Variants in GABRB1 observed in about 807,000 individuals in gnomAD.
GABRB1 encodes gamma-aminobutyric acid receptor subunit beta-1.
GABRB1 carries 17 observed loss-of-function variants against 51.6 expected under a neutral mutation model. That is an observed-to-expected ratio of 0.33 (90% CI 0.23 to 0.49). The LOEUF (loss-of-function observed/expected upper bound fraction) is 0.49, where lower values mean the gene tolerates loss of function less well. Among genes scored for constraint, GABRB1 ranks in the 20% least tolerant of loss-of-function variants. The probability of loss-of-function intolerance (pLI) is 0.99; values close to 1 mark genes in which losing one functional copy is unlikely to be tolerated. For synonymous variants in GABRB1, 247 were observed against 218.9 expected, an observed-to-expected ratio of 1.13 and a Z score of -1.14; for missense variants, 410 against 600.6, an observed-to-expected ratio of 0.68 and a Z score of 3.32.
chr4:47,251,233 A>G (rs1441634434), intron 4 of GABRB1, among the ~76,000 whole-genome samples: 2 of 152,128 alleles, frequency 1.3e-5, no homozygotes, highest in African/African-American at 4.8e-5. Context: ...GTCTAGCCAC[A>G]CAGCAAGTCT....
At chr4:47,290,593 A>T (rs1009008882) in intron 4 of GABRB1, among the ~76,000 whole-genome samples, 2 of 152,172 alleles carry the variant, frequency 1.3e-5, no homozygotes, top group Non-Finnish European at 2.9e-5. Context: ...AATTTCCTAG[A>T]GACTTGTTGA....
intron 3 of GABRB1, among the ~76,000 whole-genome samples, chr4:47,080,001 A>T (rs1001499431): frequency 3.3e-5 from 5 of 152,172 alleles, no homozygotes; most frequent in Admixed American, 1.3e-4. Context: ...AGAATAATAA[A>T]AAAAAAGAAA....
intron 4 of GABRB1, among the ~76,000 whole-genome samples, chr4:47,193,324 A>G (rs550254216): frequency 3.9e-5 from 6 of 152,216 alleles, no homozygotes; most frequent in African/African-American, 1.4e-4. Context: ...ATTTCTCCAC[A>G]TTGGTCAGGC....
At chr4:47,239,579 T>C (rs549968693) in intron 4 of GABRB1, among the ~76,000 whole-genome samples, 1 of 152,310 alleles carries the variant, frequency 6.6e-6, no homozygotes, top group Admixed American at 6.5e-5. Flanking sequence ...AAATGGCAAG[T>C]TTGCAACTGC....
At chr4:47,121,462 A>C (rs768971439) in intron 3 of GABRB1, among the ~76,000 whole-genome samples, 1 of 152,188 alleles carries the variant, frequency 6.6e-6, no homozygotes, top group Non-Finnish European at 1.5e-5. Flanking sequence ...GGTTTTTAGA[A>C]GGTGCTTTTT....
chr4:47,100,822 A>T (rs937070767), intron 3 of GABRB1, among the ~76,000 whole-genome samples: 2 of 152,042 alleles, frequency 1.3e-5, no homozygotes, highest in African/African-American at 4.8e-5. Flanking sequence ...GAACCATACA[A>T]GAGTTTATGT....
At chr4:47,116,233 T>C (rs764670090) in intron 3 of GABRB1, among the ~76,000 whole-genome samples, 11 of 152,204 alleles carry the variant, frequency 7.2e-5, no homozygotes, top group Non-Finnish European at 1.0e-4. Flanking sequence ...TGTTTTTTTT[T>C]CCTAGGAATT....
intron 4 of GABRB1, among the ~76,000 whole-genome samples, chr4:47,181,146 T>C (rs1410705159): frequency 1.3e-5 from 2 of 152,060 alleles, no homozygotes; most frequent in African/African-American, 4.8e-5. Flanking sequence ...TTTCCTTTTA[T>C]AGCTCCTACT....
intron 4 of GABRB1, among the ~76,000 whole-genome samples, chr4:47,319,582 C>T (rs2109962078): frequency 6.6e-6 from 1 of 152,160 alleles, no homozygotes; most frequent in East Asian, 1.9e-4. Flanking sequence ...TGTTGAATTT[C>T]ATTTGCTAGT....
chr4:47,292,179 T>A (rs994988837), intron 4 of GABRB1, among the ~76,000 whole-genome samples: 1 of 152,166 alleles, frequency 6.6e-6, no homozygotes, highest in Non-Finnish European at 1.5e-5. Context: ...GATCTGATGG[T>A]CATTACAAGA....
chr4:47,360,148 C>G (rs1214011250), intron 5 of GABRB1, among the ~76,000 whole-genome samples: 3 of 151,694 alleles, frequency 2.0e-5, no homozygotes, highest in African/African-American at 7.3e-5. Context: ...ACAGACCCAG[C>G]ATAATCTCGA....
intron 3 of GABRB1, among the ~76,000 whole-genome samples, chr4:47,109,979 C>T (rs1715148734): frequency 6.6e-6 from 1 of 152,012 alleles, no homozygotes; most frequent in Non-Finnish European, 1.5e-5. Flanking sequence ...AGCCAGAAAT[C>T]AGAGGTTTAA....
chr4:47,229,514 C>T (rs1721064064), intron 4 of GABRB1, among the ~76,000 whole-genome samples: 1 of 152,188 alleles, frequency 6.6e-6, no homozygotes. Flanking sequence ...CTATGGTCAC[C>T]TGAATATAAT....
chr4:47,364,748 T>C (rs1726920395), intron 5 of GABRB1, among the ~76,000 whole-genome samples: 1 of 151,590 alleles, frequency 6.6e-6, no homozygotes, highest in Non-Finnish European at 1.5e-5. Context: ...GAATGAAAGA[T>C]AAAAGCTAAA....
intron 4 of GABRB1, among the ~76,000 whole-genome samples, chr4:47,179,625 A>C (rs553995002): frequency 5.3e-5 from 8 of 152,252 alleles, no homozygotes; most frequent in African/African-American, 1.9e-4. Flanking sequence ...AAAAAATAGC[A>C]AAATAACTTT....
intron 3 of GABRB1, among the ~76,000 whole-genome samples, chr4:47,151,613 G>A (rs939936910): frequency 2.6e-5 from 4 of 151,876 alleles, no homozygotes; most frequent in Admixed American, 6.6e-5. Context: ...CTGAATATCC[G>A]ATTAGATCTT....
chr4:47,117,245 G>A (rs1218285679), intron 3 of GABRB1, among the ~76,000 whole-genome samples: 1 of 152,134 alleles, frequency 6.6e-6, no homozygotes, highest in Non-Finnish European at 1.5e-5. Flanking sequence ...TTGAATTATA[G>A]GGATCAAGGC....
chr4:46,994,542 AGGT>A (rs1267315938), intron 1 of GABRB1: 1 of 149,380 alleles, frequency 6.7e-6, no homozygotes, highest in Non-Finnish European at 1.5e-5. Flanking sequence ...GAGAGGCAGA[AGGT>A]GGGGTATGGA....
intron 5 of GABRB1, among the ~76,000 whole-genome samples, chr4:47,365,824 A>C (rs1217582914): frequency 6.6e-6 from 1 of 152,130 alleles, no homozygotes; most frequent in African/African-American, 2.4e-5. Context: ...GAGCACAGCT[A>C]ACCTGCTCTC....
Sources: gnomAD v4.1 joint callset for allele counts (sites outside exome capture counted in the v4.1 genomes callset) on GRCh38, gnomAD v4.1.1 for gene constraint, MANE v1.5 for transcripts, NCBI Gene and HGNC (gene_info 2026-07-23, HGNC 2026-07-21) for gene names.